The following SLC24A4 variants were observed in gnomAD, a reference collection of about 807,000 sequenced individuals.
SLC24A4 encodes solute carrier family 24 member 4, also known as sodium/potassium/calcium exchanger 4.
SLC24A4 carries 53 observed loss-of-function variants against 79.0 expected under a neutral mutation model. The observed-to-expected ratio is 0.67, with a 90% confidence interval of 0.54 to 0.84. SLC24A4 has a LOEUF of 0.84. Among genes scored for constraint, SLC24A4 ranks in the 40% least tolerant of loss-of-function variants. The probability of loss-of-function intolerance (pLI) is 0.00; values close to 1 mark genes in which losing one functional copy is unlikely to be tolerated. For synonymous variants in SLC24A4, 323 were observed against 323.8 expected, an observed-to-expected ratio of 1.00 and a Z score of 0.03; for missense variants, 731 against 822.0, an observed-to-expected ratio of 0.89 and a Z score of 1.35.
intron 3 of SLC24A4, among the ~76,000 whole-genome samples, chr14:92,435,264 T>C (rs1371957681): frequency 6.6e-6 from 1 of 152,176 alleles, no homozygotes; most frequent in Non-Finnish European, 1.5e-5. Context: ...AAACCTAAGT[T>C]ACAAGTCACT....
intron 7 of SLC24A4, 75 bp downstream of exon 7, chr14:92,443,549 C>T: frequency 6.9e-7 from 1 of 1,450,626 alleles, no homozygotes; most frequent in Non-Finnish European, 9.6e-7. Flanking sequence ...CCCATCTCTG[C>T]CCCTGGCACT....
chr14:92,463,576 C>G (rs1329594343), intron 12 of SLC24A4, among the ~76,000 whole-genome samples: 1 of 152,216 alleles, frequency 6.6e-6, no homozygotes, highest in Non-Finnish European at 1.5e-5. Flanking sequence ...CCTTTTCAGT[C>G]ACTCTGTGTG....
intron 2 of SLC24A4, among the ~76,000 whole-genome samples, chr14:92,414,728 A>G (rs1186097060): frequency 6.6e-6 from 1 of 152,244 alleles, no homozygotes; most frequent in Non-Finnish European, 1.5e-5. Flanking sequence ...TGACAGAGCA[A>G]GAATCTGTCT....
In SLC24A4 at chr14:92,493,812, T is replaced by G; in HGVS notation, c.*184T>G. 1.4e-6 allele frequency: 1 copy of G among 698,032 alleles called. No homozygotes were observed. Among genetic ancestry groups the G allele is most frequent in the Non-Finnish European group, 2.3e-6 (1 of 430,052 alleles). The allele number at this position is 698,032 out of a possible 1,614,324, so 43.2% of individuals were successfully genotyped here. Reference sequence around the variant, plus strand: ...CAGGCCAGGCTGCTGGGCATCCTCCTCCTCCTTGGAGTTCCGCCCCTGCAA... The same window carrying G: ...CAGGCCAGGCTGCTGGGCATCCTCCGCCTCCTTGGAGTTCCGCCCCTGCAA... On this transcript the variant is annotated 3_prime_UTR_variant, in exon 17 of 17. Coordinates refer to ENST00000532405, the MANE Select transcript of SLC24A4 (RefSeq NM_153646.4).
At chr14:92,457,928 T>TAC (rs1838482981) in intron 12 of SLC24A4, among the ~76,000 whole-genome samples, 1 of 152,200 alleles carries the variant, frequency 6.6e-6, no homozygotes, top group Admixed American at 6.5e-5. Flanking sequence ...CTGCCTGCGG[T>TAC]AGGTGGCGTG....
At chr14:92,436,207 C>T (rs1892156066) in intron 3 of SLC24A4, among the ~76,000 whole-genome samples, 1 of 152,178 alleles carries the variant, frequency 6.6e-6, no homozygotes. Flanking sequence ...CATGCAAGAG[C>T]AGGGAAAACT....
In SLC24A4 at chr14:92,428,979, T is replaced by C. The variant is rs72631611; in HGVS notation, c.242-4933T>C. Among the ~76,000 whole-genome samples the C allele has an allele frequency of 1.2e-3, 184 of 152,292 alleles. 2 individuals carry two copies. The East Asian group carries it at 0.033, about 27-fold the overall frequency. On this transcript the variant is annotated intron_variant, in intron 2 of 16. Coordinates refer to ENST00000532405, the MANE Select transcript of SLC24A4 (RefSeq NM_153646.4). ...TATGGTGCTCTGGAAAAGGCAAATA[T>C]GGGGAAAGGAAACGTCAGTGGTATG...
chr14:92,327,955 G>A (rs746872584), intron 2 of SLC24A4, among the ~76,000 whole-genome samples: 2 of 152,160 alleles, frequency 1.3e-5, no homozygotes, highest in African/African-American at 4.8e-5. Context: ...GATATGGGTC[G>A]AATGATGGAA....
chr14:92,415,787 A>G (rs1890951159), intron 2 of SLC24A4, among the ~76,000 whole-genome samples: 1 of 151,370 alleles, frequency 6.6e-6, no homozygotes, highest in South Asian at 2.1e-4. Flanking sequence ...TTTAATTTCC[A>G]TAGGGTTTTG....
intron 2 of SLC24A4, 41 bp from the exon 3 acceptor site, chr14:92,433,871 C>A (rs764793394): frequency 1.3e-6 from 2 of 1,553,744 alleles, no homozygotes; most frequent in South Asian, 1.1e-5. Context: ...TCGGGAGGCC[C>A]ATAGATAACT....
At chr14:92,356,336 A>G (rs541943677) in intron 2 of SLC24A4, among the ~76,000 whole-genome samples, 1 of 152,348 alleles carries the variant, frequency 6.6e-6, no homozygotes, top group East Asian at 1.9e-4. Context: ...TAGTCCAGCC[A>G]GGAAACATGA....
At chr14:92,351,242 A>G (rs1467347046) in intron 2 of SLC24A4, among the ~76,000 whole-genome samples, 2 of 148,108 alleles carry the variant, frequency 1.4e-5, no homozygotes, top group South Asian at 2.1e-4. Context: ...ACACGCACAC[A>G]CACACACACA....
At chr14:92,416,763 A>G (rs1891005812) in intron 2 of SLC24A4, among the ~76,000 whole-genome samples, 1 of 152,252 alleles carries the variant, frequency 6.6e-6, no homozygotes, top group African/African-American at 2.4e-5. Context: ...AGCCAAGAAT[A>G]AAATCCAGAC....
At chr14:92,461,881 A>T (rs1182186096) in intron 12 of SLC24A4, among the ~76,000 whole-genome samples, 1 of 152,188 alleles carries the variant, frequency 6.6e-6, no homozygotes, top group East Asian at 1.9e-4. Context: ...AAGCACAGAG[A>T]GGTAAGTGAT....
chr14:92,351,236 G>GCGCGCGCGCACACACACACACACA (rs112120101), intron 2 of SLC24A4, among the ~76,000 whole-genome samples: 1 of 146,986 alleles, frequency 6.8e-6, no homozygotes, highest in Non-Finnish European at 1.5e-5. Flanking sequence ...ACACATACAC[G>GCGCGCGCGCACACACACACACACA]CACACACACA....
chr14:92,458,945 G>A (rs548782289), intron 12 of SLC24A4, among the ~76,000 whole-genome samples: 1 of 152,316 alleles, frequency 6.6e-6, no homozygotes, highest in East Asian at 1.9e-4. Flanking sequence ...GGGGCGAGGA[G>A]GAGCGACTTG....
At chr14:92,485,543 G>A (rs1478802375) in intron 13 of SLC24A4, among the ~76,000 whole-genome samples, 1 of 151,706 alleles carries the variant, frequency 6.6e-6, no homozygotes, top group African/African-American at 2.4e-5. Context: ...TGTGCCTTAA[G>A]TGAATTGGAT....
chr14:92,324,033 A>G, intron 1 of SLC24A4, 73 bp downstream of exon 1: 2 of 1,543,558 alleles, frequency 1.3e-6, no homozygotes, highest in South Asian at 1.2e-5. Flanking sequence ...GGCGGCTGCG[A>G]GATGTTTTCC....
chr14:92,442,188 C>G lies in SLC24A4; in HGVS notation c.478+15C>G, dbSNP rs1309329911. ...GTCTGTTATTGGTAAGAAATCCCCTCCAGCCTGAGACACAGGATCTAGAGA... is the reference window on the plus strand; with the variant it reads ...GTCTGTTATTGGTAAGAAATCCCCTGCAGCCTGAGACACAGGATCTAGAGA... On this transcript the variant is annotated intron_variant, in intron 5 of 16. Transcript: ENST00000532405. 1 of 1,608,388 alleles carries G rather than the reference C, an allele frequency of 6.2e-7. No homozygotes were observed. Among genetic ancestry groups the G allele is most frequent in the Non-Finnish European group, 8.5e-7 (1 of 1,175,878 alleles).
Sources: gnomAD v4.1 joint callset for allele counts (sites outside exome capture counted in the v4.1 genomes callset) on GRCh38, gnomAD v4.1.1 for gene constraint, MANE v1.5 for transcripts, NCBI Gene and HGNC (gene_info 2026-07-23, HGNC 2026-07-21) for gene names.